PTGFRN: variants seen among roughly 807,000 people sequenced by gnomAD.
The protein encoded by PTGFRN is prostaglandin F2 receptor inhibitor.
In PTGFRN, 35 loss-of-function variants were observed where a neutral mutation model predicts 83.2. That is an observed-to-expected ratio of 0.42 (90% confidence interval 0.32 to 0.56). PTGFRN has a LOEUF of 0.56. PTGFRN is among the 20% of genes least tolerant of loss of function. The pLI is 0.11. For missense variants in PTGFRN, 1,051 were observed against 1,179.5 expected, an observed-to-expected ratio of 0.89 and a Z score of 1.60; for synonymous variants, 519 against 498.6, an observed-to-expected ratio of 1.04 and a Z score of -0.55.
chr1:116,944,131 C>G (rs1244423106), intron 2 of PTGFRN, among the ~76,000 whole-genome samples: 1 of 152,230 alleles, frequency 6.6e-6, no homozygotes, highest in Non-Finnish European at 1.5e-5. Flanking sequence ...GCAGCTCATG[C>G]CATCCTTTCT....
At chr1:116,973,637 T>TCCAGGCTG (rs1212897240) in intron 6 of PTGFRN, among the ~76,000 whole-genome samples, 1 of 149,326 alleles carries the variant, frequency 6.7e-6, no homozygotes, top group Non-Finnish European at 1.5e-5. Flanking sequence ...AAAAGGCATA[T>TCCAGGCTG]CCAGGCTGCC....
Position 116,960,622 on chromosome 1 carries a change from A to G in PTGFRN, c.1214-621A>G, listed in dbSNP as rs192497963. On this transcript the variant is annotated intron_variant, in intron 4 of 8. Transcript: ENST00000393203. ...AGAATGTCTGTGGGAGAGTTTGAGG[A>G]TGGGAGTGCTTATTGACCACTGAAC... Among the ~76,000 whole-genome samples the G allele has an allele frequency of 2.7e-3, 412 of 152,228 alleles. 3 individuals are homozygous for G. The highest frequency in any genetic ancestry group is 4.1e-3 in the Non-Finnish European group (277 of 68,014).
At chr1:116,976,104 A>G (rs1030623010) in intron 7 of PTGFRN, among the ~76,000 whole-genome samples, 1 of 152,246 alleles carries the variant, frequency 6.6e-6, no homozygotes, top group Non-Finnish European at 1.5e-5. Context: ...GATTCGGTCA[A>G]CTGGAAGAAA....
At chr1:116,970,167 T>C (rs200984044) in intron 6 of PTGFRN, among the ~76,000 whole-genome samples, 1 of 98,620 alleles carries the variant, frequency 1.0e-5, no homozygotes, top group Non-Finnish European at 2.5e-5. Context: ...ATTCTTGTCT[T>C]GTTTCTGATC....
chr1:116,942,120 A>G, intron 2 of PTGFRN, 37 bp downstream of exon 2: 2 of 1,570,872 alleles, frequency 1.3e-6, no homozygotes, highest in Non-Finnish European at 1.7e-6. Context: ...GCCAGGGGCC[A>G]GACCTTTCTC....
rs1651410905 is a variant in PTGFRN at position 116,984,682 on chromosome 1, G to A, written c.2170G>A (p.Asp724Asn). Reference protein sequence around the residue: ...TVEGAALDPDDMAFDVSWFAV... With the variant: ...TVEGAALDPDNMAFDVSWFAV... ...GGTTTTGGCTTGGTAATCCGTAGAT[G>A]ACATGGCCTTTGATGTGTCCTGGTT... Residue 724 changes from aspartate to asparagine, a missense_variant and splice_region_variant, in exon 8 of 9, where the codon GAC becomes AAC. By Grantham distance (23) the Asp-to-Asn change is conservative (BLOSUM62 1). Transcript: ENST00000393203. 1.2e-6 allele frequency: 2 copies of A among 1,613,228 alleles called. No homozygotes were observed. Among genetic ancestry groups the A allele is most frequent in the East Asian group, 4.5e-5 (2 of 44,856 alleles).
chr1:116,974,367 A>C, intron 7 of PTGFRN, 44 bp downstream of exon 7: 1 of 1,434,434 alleles, frequency 7.0e-7, no homozygotes, highest in East Asian at 2.3e-5. Context: ...TGCTTTCTGT[A>C]AATGTTTCTC....
chr1:116,943,421 C>A (rs897593595), intron 2 of PTGFRN, among the ~76,000 whole-genome samples: 1 of 152,170 alleles, frequency 6.6e-6, no homozygotes, highest in Non-Finnish European at 1.5e-5. Flanking sequence ...TTCCCCCACC[C>A]GCACCCCACT....
intron 1 of PTGFRN, among the ~76,000 whole-genome samples, chr1:116,931,973 A>G (rs1649814256): frequency 2.0e-5 from 3 of 152,242 alleles, no homozygotes; most frequent in Non-Finnish European, 2.9e-5. Flanking sequence ...ACTGGATTCA[A>G]TAACTGCTGA....
At chr1:116,945,769 T>C (rs1165300660) in intron 3 of PTGFRN, among the ~76,000 whole-genome samples, 7 of 147,246 alleles carry the variant, frequency 4.8e-5, no homozygotes, top group African/African-American at 1.8e-4. Flanking sequence ...TTTCAAACCC[T>C]CTACTGCAAT....
chr1:116,938,846 A>C lies in PTGFRN; in HGVS notation c.50-2869A>C, dbSNP rs905191341. Among the ~76,000 whole-genome samples the C allele has an allele frequency of 4.6e-5, 7 of 152,254 alleles. No individual in the cohort carries two copies. In the East Asian group the frequency reaches 1.3e-3, roughly 29 times the overall value. ...TACTTCCTAGATACAATGTGGGTAC[A>C]GGCATTTGGTGAATACAGCTATTCC... On this transcript the variant is annotated intron_variant, in intron 1 of 8. Coordinates refer to ENST00000393203, the MANE Select transcript of PTGFRN (RefSeq NM_020440.4).
At position 116,929,636 on chromosome 1, in the gene PTGFRN, C is replaced by CA. The variant is rs1649743544; in HGVS notation, c.50-12078dup. 2.0e-5 allele frequency among the ~76,000 whole-genome samples: 3 copies of CA among 152,216 alleles called. No homozygotes were observed. In the South Asian group the frequency reaches 6.2e-4, roughly 31 times the overall value. Reference sequence around the variant, plus strand: ...TCTCTTCGTCATTCTGGTCTAAACTCAGACATGACCCTCTCAGAGAGGCCT... The same window carrying CA: ...TCTCTTCGTCATTCTGGTCTAAACTCAAGACATGACCCTCTCAGAGAGGCCT... On this transcript the variant is annotated intron_variant, in intron 1 of 8. Coordinates refer to ENST00000393203, the MANE Select transcript of PTGFRN (RefSeq NM_020440.4).
rs371357223 is a variant in PTGFRN, at chr1:116,954,105, G to A, written c.1213+4533G>A. Among the ~76,000 whole-genome samples, 9 of 152,028 alleles carry A rather than the reference G, an allele frequency of 5.9e-5. No homozygotes were observed. The East Asian group carries it at 7.7e-4, about 13-fold the overall frequency. ...ACTCCTGACTTCAGGTGATCCGCCCGTCTCGGCCTCCCAAAGTGCTGGGAT... is the reference window on the plus strand; with the variant it reads ...ACTCCTGACTTCAGGTGATCCGCCCATCTCGGCCTCCCAAAGTGCTGGGAT... On this transcript the variant is annotated intron_variant, in intron 4 of 8. Transcript: ENST00000393203.
intron 7 of PTGFRN, among the ~76,000 whole-genome samples, chr1:116,976,838 ACAT>A (rs1651171056): frequency 6.6e-6 from 1 of 152,224 alleles, no homozygotes; most frequent in African/African-American, 2.4e-5. Flanking sequence ...TAACTAGCTA[ACAT>A]CATAATGACA....
chr1:116,971,627 T>C (rs556034602), intron 6 of PTGFRN, among the ~76,000 whole-genome samples: 1 of 152,176 alleles, frequency 6.6e-6, no homozygotes, highest in Non-Finnish European at 1.5e-5. Context: ...GCTGATTTCA[T>C]TAGGAGGAAA....
intron 1 of PTGFRN, among the ~76,000 whole-genome samples, chr1:116,919,491 T>A (rs2250884): frequency 0.17 from 25,533 of 152,058 alleles, 4,441 homozygotes; most frequent in African/African-American, 0.44. Flanking sequence ...TCAACCTCCC[T>A]GGCTGAAGTG....
chr1:116,955,266 G>C (rs1014585353), intron 4 of PTGFRN, among the ~76,000 whole-genome samples: 1 of 152,206 alleles, frequency 6.6e-6, no homozygotes, highest in African/African-American at 2.4e-5. Flanking sequence ...CTGCTTCTCA[G>C]AACGTTAGTG....
chr1:116,913,530 G>C lies in PTGFRN; in HGVS notation c.49+3278G>C, dbSNP rs375156194. Among the ~76,000 whole-genome samples, 6 of 152,076 alleles carry C rather than the reference G, an allele frequency of 3.9e-5. No homozygotes were observed. In the East Asian group the frequency reaches 5.8e-4, roughly 15 times the overall value. ...TGCTAAGGAGTCTGGACTGGGAGGG[G>C]TAGATTTGTTGGTGCTCTGGGTGCT... On this transcript the variant is annotated intron_variant, in intron 1 of 8. Coordinates refer to ENST00000393203, the MANE Select transcript of PTGFRN (RefSeq NM_020440.4).
intron 1 of PTGFRN, among the ~76,000 whole-genome samples, chr1:116,926,656 A>T (rs997967985): frequency 2.0e-5 from 3 of 152,144 alleles, no homozygotes; most frequent in Non-Finnish European, 4.4e-5. Flanking sequence ...TATGAACAGG[A>T]TTTGCAAACT....
Sources: gnomAD v4.1 joint callset for allele counts (sites outside exome capture counted in the v4.1 genomes callset) on GRCh38, gnomAD v4.1.1 for gene constraint, MANE v1.5 for transcripts, NCBI Gene and HGNC (gene_info 2026-07-23, HGNC 2026-07-21) for gene names.